Variants in SLC27A4 observed in about 807,000 individuals in gnomAD.
SLC27A4 encodes solute carrier family 27 member 4.
Under a neutral mutation model 64.4 loss-of-function variants are expected in SLC27A4, and 33 were observed. That is an observed-to-expected ratio of 0.51 (90% CI 0.39 to 0.68). The LOEUF (loss-of-function observed/expected upper bound fraction) is 0.68. Among genes scored for constraint, SLC27A4 ranks in the 30% least tolerant of loss-of-function variants. The pLI is 0.00. For synonymous variants in SLC27A4, 377 were observed against 370.0 expected, an observed-to-expected ratio of 1.02 and a Z score of -0.22; for missense variants, 824 against 883.5, an observed-to-expected ratio of 0.93 and a Z score of 0.85.
At position 128,345,483 on chromosome 9, in the gene SLC27A4, G is replaced by A. The variant is rs983183281; in HGVS notation, c.490G>A (p.Ala164Thr). ...CATCAACACCAACCTGCGGCGGGAT[G>A]CTCTGCTCCACTGCCTCACCACCTC... ...ALINTNLRRD[A>T]LLHCLTTSRA... The change falls in exon 3 of 13, where the codon GCT becomes ACT. Residue 164 changes from alanine (A) to threonine (T), a missense_variant. Coordinates refer to ENST00000300456, the MANE Select transcript of SLC27A4 (RefSeq NM_005094.4). The surrounding 1 kb of genome is among the most constrained non-coding windows in gnomAD (Gnocchi z 4.1). The A allele has an allele frequency of 1.3e-5, 21 of 1,612,556 alleles. No homozygotes were observed. The African/African-American group carries it at 2.1e-4, about 16-fold the overall frequency.
chr9:128,343,376 C>T lies in SLC27A4; in HGVS notation c.161+83C>T, dbSNP rs569862576. On this transcript the variant is annotated intron_variant, in intron 2 of 12. Coordinates refer to ENST00000300456, the MANE Select transcript of SLC27A4 (RefSeq NM_005094.4). ...CCCCAAATCTCCCCAGGCCAGACCT[C>T]ATGTTCTCTACCAGCACAGGGCAGC... 260 of 1,525,958 alleles carry T rather than the reference C, an allele frequency of 1.7e-4. No individual in the cohort carries two copies. The East Asian group carries it at 5.7e-3, about 33-fold the overall frequency. The allele number at this position is 1,525,958 out of a possible 1,614,324, so 94.5% of individuals were successfully genotyped here.
chr9:128,355,304 A>G, intron 10 of SLC27A4, 94 bp from the exon 11 acceptor site: 1 of 1,603,350 alleles, frequency 6.2e-7, no homozygotes, highest in Non-Finnish European at 8.5e-7. Context: ...CTTGTGGTCA[A>G]ACAAATCCTT....
Position 128,360,589 on chromosome 9 carries a change from G to C in SLC27A4, c.*98G>C. On this transcript the variant is annotated 3_prime_UTR_variant, in exon 13 of 13. Coordinates refer to ENST00000300456, the MANE Select transcript of SLC27A4 (RefSeq NM_005094.4). ...ACAAGGCCAGACCAAAGCAAGCAGG[G>C]CCTGGCACCTCCATCCTGAGGTGCT... The C allele has an allele frequency of 7.6e-7, 1 of 1,323,910 alleles. No individual in the cohort carries two copies. The highest frequency in any genetic ancestry group is 1.9e-5 in the Admixed American group (1 of 53,156). 82.0% of individuals were successfully genotyped at this position (1,323,910 alleles called of 1,614,324 possible).
Position 128,352,633 on chromosome 9 carries a change from T to G in SLC27A4, c.878-5T>G. The G allele has an allele frequency of 6.2e-7, 1 of 1,612,862 alleles. No homozygotes were observed. Among genetic ancestry groups the G allele is most frequent in the Non-Finnish European group, 8.5e-7 (1 of 1,178,846 alleles). On this transcript the variant is annotated splice_region_variant and splice_polypyrimidine_tract_variant and intron_variant, in intron 6 of 12. Transcript: ENST00000300456. ...GACCCTCAGGGGCCATCCCTCTGCCTCCAGGAAACATCGTGGGAATCGGCC... is the reference window on the plus strand; with the variant it reads ...GACCCTCAGGGGCCATCCCTCTGCCGCCAGGAAACATCGTGGGAATCGGCC...
chr9:128,345,101 G>C lies in SLC27A4; in HGVS notation c.162-54G>C. The C allele has an allele frequency of 2.5e-6, 4 of 1,609,602 alleles. No homozygotes were observed. The highest frequency in any genetic ancestry group is 3.4e-6 in the Non-Finnish European group (4 of 1,178,670). The stretch of plus-strand genomic sequence containing the variant: ...GCAGCAGCCTGGGGTAGGGTGTCAG[G>C]ACCCCTCCCTCCCAACCATGGCAGA... On this transcript the variant is annotated intron_variant, in intron 2 of 12. Coordinates refer to ENST00000300456, the MANE Select transcript of SLC27A4 (RefSeq NM_005094.4). The surrounding 1 kb of genome is among the most constrained non-coding windows in gnomAD (Gnocchi z 4.1).
At chr9:128,346,144 A>C (rs1365781578) in intron 3 of SLC27A4, among the ~76,000 whole-genome samples, 1 of 151,968 alleles carries the variant, frequency 6.6e-6, no homozygotes, top group Non-Finnish European at 1.5e-5. Context: ...CAAGCGATCC[A>C]CCTACCTCTG....
intron 3 of SLC27A4, among the ~76,000 whole-genome samples, chr9:128,346,120 C>CA (rs1832652598): frequency 6.6e-6 from 1 of 152,100 alleles, no homozygotes; most frequent in Non-Finnish European, 1.5e-5. Context: ...AGGCTGGTCT[C>CA]AGACTCTTGA....
chr9:128,346,655 T>C (rs1832661906), intron 3 of SLC27A4, among the ~76,000 whole-genome samples: 1 of 151,656 alleles, frequency 6.6e-6, no homozygotes, highest in Non-Finnish European at 1.5e-5. Flanking sequence ...TGAGTGATGA[T>C]TGTGCCACTT....
chr9:128,346,877 C>T (rs1832665213), intron 3 of SLC27A4, among the ~76,000 whole-genome samples: 1 of 151,198 alleles, frequency 6.6e-6, no homozygotes, highest in Non-Finnish European at 1.5e-5. Flanking sequence ...TGGTGGTGCG[C>T]ACCTGTAGTC....
Position 128,343,219 on chromosome 9 carries a change from G to A in SLC27A4, c.87G>A (p.Leu29=). 1 of 1,614,214 alleles carries A rather than the reference G, an allele frequency of 6.2e-7. No individual in the cohort carries two copies. The highest frequency in any genetic ancestry group is 8.5e-7 in the Non-Finnish European group (1 of 1,180,042). ...CCTGGACCCAGGTGGGATTCTCCCT[G>A]TTGTTCCTCTACTTGGGATCTGGCG... is the stretch of plus-strand genomic sequence containing the variant. ...KLPWTQVGFS[L]LFLYLGSGGW... is the part of the protein sequence containing the mutation. The change falls in exon 2 of 13, where the codon CTG becomes CTA. Residue 29 remains leucine (L), a synonymous_variant. Transcript: ENST00000300456.
intron 12 of SLC27A4, 107 bp from the exon 13 acceptor site, chr9:128,360,227 C>T: frequency 8.0e-7 from 1 of 1,256,922 alleles, no homozygotes; most frequent in Non-Finnish European, 1.2e-6. Flanking sequence ...ACTTCCCTCC[C>T]CTGTTTGTCC....
intron 2 of SLC27A4, among the ~76,000 whole-genome samples, 162 bp downstream of exon 2, chr9:128,343,455 G>A (rs754378233): frequency 2.6e-5 from 4 of 152,164 alleles, no homozygotes; most frequent in Non-Finnish European, 5.9e-5. Flanking sequence ...CCTGGCAATA[G>A]TACCTGGTCC....
chr9:128,350,041 T>C (rs1444472873), intron 4 of SLC27A4, among the ~76,000 whole-genome samples: 7 of 152,226 alleles, frequency 4.6e-5, no homozygotes, highest in Non-Finnish European at 7.3e-5. Context: ...CACTGAGCTG[T>C]GACTGCCAAG....
In SLC27A4 at chr9:128,345,793, C is replaced by T. The variant is rs1388897853; in HGVS notation, c.556+244C>T. 6.6e-6 allele frequency among the ~76,000 whole-genome samples: 1 copy of T among 152,204 alleles called. No individual in the cohort carries two copies. Among genetic ancestry groups the T allele is most frequent in the Non-Finnish European group, 1.5e-5 (1 of 68,028 alleles). The stretch of plus-strand genomic sequence containing the variant: ...TTTCAAAAAGGTACTTCAGACTGGG[C>T]ATAGTGGCTCACAGCTGTAATCCCA... On this transcript the variant is annotated intron_variant, in intron 3 of 12. Transcript: ENST00000300456. This position sits in a 1 kb window ranked among gnomAD's most constrained non-coding sequence, Gnocchi z 4.1.
At position 128,353,747 on chromosome 9, in the gene SLC27A4, T is replaced by G. The variant is rs1036353682; in HGVS notation, c.1324+206T>G. Reference sequence around the variant, plus strand: ...ACATCAGTCCATTCATTCATTCTTTTTTTTTTTTTTATTTGAGACGGAGTC... The same window carrying G: ...ACATCAGTCCATTCATTCATTCTTTGTTTTTTTTTTATTTGAGACGGAGTC... On this transcript the variant is annotated intron_variant, in intron 9 of 12. Coordinates refer to ENST00000300456, the MANE Select transcript of SLC27A4 (RefSeq NM_005094.4). The surrounding 1 kb of genome is among the most constrained non-coding windows in gnomAD (Gnocchi z 4.9). Among the ~76,000 whole-genome samples the G allele has an allele frequency of 6.6e-6, 1 of 151,060 alleles. No homozygotes were observed.
In SLC27A4 at chr9:128,361,127, C is replaced by T. The variant is rs1832896367; in HGVS notation, c.*636C>T. The T allele has an allele frequency of 6.3e-6, 1 of 158,900 alleles. No individual in the cohort carries two copies. The highest frequency in any genetic ancestry group is 2.4e-5 in the African/African-American group (1 of 41,454). 9.8% of individuals were successfully genotyped at this position (158,900 alleles called of 1,614,324 possible). A position where few individuals can be genotyped will look rare whatever the true frequency, so the allele number is the denominator to read the frequency against. On this transcript the variant is annotated 3_prime_UTR_variant, in exon 13 of 13. Transcript: ENST00000300456. ...GCAGGGCCTCTCAGTCCTTGTGGGT[C>T]TGTGTCACCTCCATCTCAGTCTTGG...
At chr9:128,356,719 A>G (rs1027670632) in intron 12 of SLC27A4, among the ~76,000 whole-genome samples, 1 of 150,056 alleles carries the variant, frequency 6.7e-6, no homozygotes, top group Non-Finnish European at 1.5e-5. Context: ...AGGTGGGCGG[A>G]TCATTTGAGG....
At chr9:128,354,713 C>T (rs1021581759) in intron 9 of SLC27A4, among the ~76,000 whole-genome samples, 3 of 151,522 alleles carry the variant, frequency 2.0e-5, no homozygotes, top group Non-Finnish European at 2.9e-5. Flanking sequence ...TTTGGGAGGC[C>T]GAGGCGGGTG....
chr9:128,347,814 G>A (rs867417713), intron 3 of SLC27A4, among the ~76,000 whole-genome samples: 37 of 151,294 alleles, frequency 2.4e-4, no homozygotes, highest in South Asian at 8.4e-4. Flanking sequence ...CTTGAGCCCA[G>A]GAGTTCAAGA....
Sources: gnomAD v4.1 joint callset for allele counts (sites outside exome capture counted in the v4.1 genomes callset) on GRCh38, gnomAD v4.1.1 for gene constraint, Gnocchi (gnomAD v3.1) non-coding constraint, MANE v1.5 for transcripts, NCBI Gene and HGNC (gene_info 2026-07-23, HGNC 2026-07-21) for gene names.